Variants in ZFHX3 observed in about 807,000 individuals in gnomAD.
ZFHX3 encodes the protein zinc finger homeobox protein 3.
ZFHX3 carries 42 observed loss-of-function variants against 279.1 expected under a neutral mutation model. The observed-to-expected ratio is 0.15, with a 90% CI of 0.12 to 0.19. ZFHX3 has a LOEUF of 0.19. ZFHX3 is among the 10% of genes least tolerant of loss of function. ZFHX3 has a pLI of 1.00. For missense variants in ZFHX3, 4,981 were observed against 4,754.0 expected, an observed-to-expected ratio of 1.05 and a Z score of -1.40; for synonymous variants, 2,293 against 1,957.8, an observed-to-expected ratio of 1.17 and a Z score of -4.52.
At chr16:72,933,223 A>G (rs1959917830) in intron 3 of ZFHX3, among the ~76,000 whole-genome samples, 1 of 152,000 alleles carries the variant, frequency 6.6e-6, no homozygotes, top group Non-Finnish European at 1.5e-5. Context: ...GTATGTTACT[A>G]CCTCTAGTGA....
intron 1 of ZFHX3, among the ~76,000 whole-genome samples, chr16:73,753,621 C>T (rs757979561): frequency 6.6e-6 from 1 of 152,156 alleles, no homozygotes; most frequent in Admixed American, 6.5e-5. Context: ...GGTAGCAGTA[C>T]CATTCAATGA....
chr16:73,706,306 C>CA (rs1416011472), intron 1 of ZFHX3, among the ~76,000 whole-genome samples: 22 of 151,740 alleles, frequency 1.4e-4, no homozygotes, highest in Middle Eastern at 3.4e-3. Flanking sequence ...CCTAAAGATA[C>CA]AAAAAATTAG....
Position 73,248,365 on chromosome 16 carries a change from G to C in ZFHX3, c.-1104+8682C>G, listed in dbSNP as rs2013370311. On this transcript the variant is annotated intron_variant, in intron 5 of 17. Coordinates refer to the ZFHX3 transcript ENST00000641206. The stretch of plus-strand genomic sequence containing the variant: ...GTATGTGTGTGTGGTTGTATACTGT[G>C]TATAAAATGTGCCTGTGTGTATATG... 2.0e-5 allele frequency among the ~76,000 whole-genome samples: 3 copies of C among 151,376 alleles called. No homozygotes were observed. In the South Asian group the frequency reaches 6.2e-4, roughly 32 times the overall value.
chr16:73,204,522 C>T (rs756232610), intron 5 of ZFHX3, among the ~76,000 whole-genome samples: 3 of 152,084 alleles, frequency 2.0e-5, no homozygotes, highest in Admixed American at 6.5e-5. Context: ...TGACAGGAGG[C>T]GGAGCCCAGT....
At chr16:73,356,960 G>A (rs566961673) in intron 3 of ZFHX3, among the ~76,000 whole-genome samples, 11 of 151,588 alleles carry the variant, frequency 7.3e-5, no homozygotes, top group Non-Finnish European at 1.5e-4. Context: ...CTCCTCCCTC[G>A]GGTGGACAAC....
At chr16:73,705,032 G>T (rs1004535753) in intron 1 of ZFHX3, among the ~76,000 whole-genome samples, 3 of 152,170 alleles carry the variant, frequency 2.0e-5, no homozygotes, top group African/African-American at 7.2e-5. Context: ...TGAGTATGGA[G>T]TTGGGAAGAG....
At chr16:73,867,384 A>C (rs900668369) in intron 1 of ZFHX3, among the ~76,000 whole-genome samples, 8 of 152,134 alleles carry the variant, frequency 5.3e-5, no homozygotes, top group Admixed American at 6.5e-5. Context: ...CCTAGACATC[A>C]CGTAGCTTAG....
intron 2 of ZFHX3, among the ~76,000 whole-genome samples, chr16:73,577,509 C>A (rs899172969): frequency 2.0e-5 from 3 of 152,126 alleles, no homozygotes. Flanking sequence ...AGAATAGACA[C>A]AGAACTGAGC....
intron 6 of ZFHX3, among the ~76,000 whole-genome samples, chr16:73,135,644 A>G (rs958440455): frequency 6.6e-6 from 1 of 151,406 alleles, no homozygotes; most frequent in Admixed American, 6.6e-5. Context: ...CTATGTGCGG[A>G]TGTTCGAATC....
chr16:73,358,209 T>A (rs1460977995), intron 3 of ZFHX3, among the ~76,000 whole-genome samples: 1 of 152,264 alleles, frequency 6.6e-6, no homozygotes, highest in African/African-American at 2.4e-5. Context: ...CCCTGGCATC[T>A]GCACTCTCTT....
chr16:73,571,487 T>C (rs760207264), intron 2 of ZFHX3, among the ~76,000 whole-genome samples: 4 of 152,202 alleles, frequency 2.6e-5, no homozygotes, highest in Admixed American at 2.0e-4. Context: ...CCTTTGGCTG[T>C]AGAACTATAT....
intron 4 of ZFHX3, among the ~76,000 whole-genome samples, chr16:73,262,727 C>T (rs544249537): frequency 7.9e-5 from 12 of 152,208 alleles, no homozygotes; most frequent in Admixed American, 3.9e-4. Flanking sequence ...ACCCCTTTAA[C>T]GTAGTGAAAA....
intron 7 of ZFHX3, among the ~76,000 whole-genome samples, chr16:73,128,195 G>T (rs1346915105): frequency 1.3e-5 from 2 of 152,146 alleles, no homozygotes; most frequent in African/African-American, 4.8e-5. Context: ...CTGGGTTTTA[G>T]AATCCTGTCT....
chr16:73,374,319 C>T (rs1448580677), intron 3 of ZFHX3, among the ~76,000 whole-genome samples: 1 of 151,714 alleles, frequency 6.6e-6, no homozygotes, highest in African/African-American at 2.4e-5. Flanking sequence ...GTATTCACTG[C>T]TTAGCTTCAA....
chr16:73,815,389 G>A (rs938142883), intron 1 of ZFHX3, among the ~76,000 whole-genome samples: 2 of 152,056 alleles, frequency 1.3e-5, no homozygotes, highest in Non-Finnish European at 2.9e-5. Context: ...CCCCATGCAG[G>A]ATATGGCCCC....
chr16:72,888,227 T>C (rs60360981), intron 4 of ZFHX3, among the ~76,000 whole-genome samples: 5,077 of 152,270 alleles, frequency 0.033, 275 homozygotes, highest in African/African-American at 0.11. Flanking sequence ...AATTTGATTA[T>C]ATTAAGGTTA....
intron 2 of ZFHX3, among the ~76,000 whole-genome samples, chr16:73,519,471 C>T (rs1387407665): frequency 1.3e-5 from 2 of 151,840 alleles, no homozygotes; most frequent in African/African-American, 4.8e-5. Context: ...TACCTTGGGC[C>T]CGTGATTCAT....
At chr16:73,176,769 T>C (rs1241349697) in intron 5 of ZFHX3, among the ~76,000 whole-genome samples, 1 of 150,952 alleles carries the variant, frequency 6.6e-6, no homozygotes. Flanking sequence ...GAAAAAAGTC[T>C]TCTTCTTGAT....
In ZFHX3 at chr16:73,789,033, T is replaced by C. The variant is rs1014864275; in HGVS notation, c.-1608+102618A>G. Among the ~76,000 whole-genome samples the C allele has an allele frequency of 2.0e-5, 3 of 150,572 alleles. No homozygotes were observed. In the East Asian group the frequency reaches 5.8e-4, roughly 29 times the overall value. On this transcript the variant is annotated intron_variant, in intron 1 of 17. Coordinates refer to the ZFHX3 transcript ENST00000641206. ...CACTTTTATTCCAGACATCAGTGTG[T>C]TTATGTATCTATATATAGATATCTT... is the stretch of plus-strand genomic sequence containing the variant.
Sources: gnomAD v4.1 joint callset for allele counts (sites outside exome capture counted in the v4.1 genomes callset) on GRCh38, gnomAD v4.1.1 for gene constraint, MANE v1.5 for transcripts, NCBI Gene and HGNC (gene_info 2026-07-23, HGNC 2026-07-21) for gene names.